The following PRLR variants were observed in gnomAD, a reference collection of about 807,000 sequenced individuals.
PRLR encodes the protein hPRL receptor.
PRLR carries 13 observed loss-of-function variants against 40.2 expected under a neutral mutation model. The ratio of observed to expected loss-of-function variants is 0.32; its 90% CI spans 0.21 to 0.51. The LOEUF (loss-of-function observed/expected upper bound fraction) is 0.51, where lower values mean the gene tolerates loss of function less well. Ranked by LOEUF, PRLR falls within the 20% of genes least tolerant of loss-of-function variation. The pLI is 0.97. For missense variants in PRLR, 656 were observed against 747.3 expected (o/e 0.88, Z 1.42); for synonymous variants, 269 against 278.7 (o/e 0.97, Z 0.35).
intron 2 of PRLR, among the ~76,000 whole-genome samples, chr5:35,099,093 A>T (rs1304816865): frequency 1.3e-5 from 2 of 152,248 alleles, no homozygotes; most frequent in Non-Finnish European, 2.9e-5. Context: ...TAGTAAAAAC[A>T]TCAGATGTCC....
At chr5:35,067,379 C>T (rs114771776) in intron 9 of PRLR, among the ~76,000 whole-genome samples, 5,443 of 152,202 alleles carry the variant, frequency 0.036, 128 homozygotes, top group Middle Eastern at 0.11. Flanking sequence ...CTGGTTCTAT[C>T]AGGCCAATGC....
At chr5:35,049,984 C>T (rs1013336329) in intron 8 of PRLR, among the ~76,000 whole-genome samples, 12 of 150,562 alleles carry the variant, frequency 8.0e-5, no homozygotes, top group South Asian at 2.1e-4. Flanking sequence ...CTTGGCTCAC[C>T]GCAACCTCCG....
At chr5:35,205,847 G>A (rs1776003237) in intron 1 of PRLR, among the ~76,000 whole-genome samples, 4 of 152,156 alleles carry the variant, frequency 2.6e-5, no homozygotes, top group Admixed American at 1.3e-4. Context: ...CCAGCTGTAG[G>A]CCAGGACATT....
chr5:35,186,422 G>A (rs1285432567), intron 1 of PRLR, among the ~76,000 whole-genome samples: 1 of 152,156 alleles, frequency 6.6e-6, no homozygotes, highest in Non-Finnish European at 1.5e-5. Flanking sequence ...CTGTCACACT[G>A]GCTAGTGCTG....
chr5:35,112,953 T>C (rs529044433), intron 2 of PRLR, among the ~76,000 whole-genome samples: 6 of 152,274 alleles, frequency 3.9e-5, no homozygotes, highest in Admixed American at 3.9e-4. Context: ...GGGCAATTCA[T>C]ACTCCCAGAG....
chr5:35,153,777 CCCAT>C (rs1037827549), intron 1 of PRLR, among the ~76,000 whole-genome samples: 1 of 145,666 alleles, frequency 6.9e-6, no homozygotes, highest in African/African-American at 2.5e-5. Flanking sequence ...ACACACACAC[CCCAT>C]TGTTATTTCT....
intron 2 of PRLR, among the ~76,000 whole-genome samples, chr5:35,105,336 C>T (rs1399384023): frequency 6.6e-6 from 1 of 152,214 alleles, no homozygotes; most frequent in African/African-American, 2.4e-5. Context: ...AGGAATGCAG[C>T]TCCTCGCCAG....
intron 1 of PRLR, among the ~76,000 whole-genome samples, chr5:35,164,737 G>GA (rs1421549810): frequency 6.6e-6 from 1 of 151,786 alleles, no homozygotes; most frequent in Admixed American, 6.6e-5. Flanking sequence ...AGAGACAATG[G>GA]AAAAAAAATA....
rs35934860 is a variant in PRLR at position 35,153,717 on chromosome 5, TAC to T, written c.-105-35597_-105-35596del. On this transcript the variant is annotated intron_variant, in intron 1 of 9. Transcript: ENST00000618457. ...CTCTGCCAACTGTTCCCCACCATTG[TAC>T]ACACACACACACACACACACTGCAC... 2.8e-3 allele frequency among the ~76,000 whole-genome samples: 407 copies of T among 143,188 alleles called. 1 individual carries two copies. The highest frequency in any genetic ancestry group is 0.017 in the East Asian group (88 of 5,034). The allele number at this position is 143,188 out of a possible 152,430, so 93.9% of individuals were successfully genotyped here. A position where few individuals can be genotyped will look rare whatever the true frequency, so the allele number is the denominator to read the frequency against.
intron 1 of PRLR, among the ~76,000 whole-genome samples, chr5:35,209,703 G>C (rs972968081): frequency 6.6e-6 from 1 of 152,184 alleles, no homozygotes; most frequent in African/African-American, 2.4e-5. Context: ...CAAGCTGTGT[G>C]GCACAATATT....
At chr5:35,114,354 C>G (rs1772881864) in intron 2 of PRLR, among the ~76,000 whole-genome samples, 1 of 152,206 alleles carries the variant, frequency 6.6e-6, no homozygotes. Context: ...TTTCCTCAGT[C>G]AACTGTTGTG....
chr5:35,226,500 C>T (rs1200054569), intron 1 of PRLR, among the ~76,000 whole-genome samples: 1 of 152,224 alleles, frequency 6.6e-6, no homozygotes, highest in Non-Finnish European at 1.5e-5. Flanking sequence ...AATAATAATT[C>T]CCCCTATATA....
intron 2 of PRLR, among the ~76,000 whole-genome samples, chr5:35,093,488 G>C (rs746052507): frequency 1.2e-4 from 18 of 152,122 alleles, no homozygotes; most frequent in Non-Finnish European, 2.6e-4. Flanking sequence ...TCCCCAACCT[G>C]TCCTGCTGTA....
intron 1 of PRLR, among the ~76,000 whole-genome samples, chr5:35,119,062 T>C (rs559935528): frequency 6.6e-6 from 1 of 152,316 alleles, no homozygotes; most frequent in South Asian, 2.1e-4. Flanking sequence ...CCCAAAGTGC[T>C]GGGATTATAG....
intron 1 of PRLR, among the ~76,000 whole-genome samples, chr5:35,222,377 T>C (rs1776447107): frequency 6.6e-6 from 1 of 151,986 alleles, no homozygotes; most frequent in Non-Finnish European, 1.5e-5. Context: ...AAAAAGCTGA[T>C]ATCCTTTCAG....
intron 2 of PRLR, 47 bp downstream of exon 2, chr5:35,118,014 G>A: frequency 2.2e-6 from 2 of 922,202 alleles, no homozygotes; most frequent in South Asian, 5.0e-5. Flanking sequence ...GGACAGTGGG[G>A]CAGATGGGTG....
chr5:35,145,034 C>T (rs1366050791), intron 1 of PRLR, among the ~76,000 whole-genome samples: 2 of 152,178 alleles, frequency 1.3e-5, no homozygotes, highest in Non-Finnish European at 2.9e-5. Context: ...GAGAATGGTG[C>T]TCATCTCCTT....
At chr5:35,082,309 A>C (rs200317007) in intron 5 of PRLR, among the ~76,000 whole-genome samples, 1 of 152,268 alleles carries the variant, frequency 6.6e-6, no homozygotes, top group East Asian at 1.9e-4. Context: ...ATATGTTTTA[A>C]GTTAAATACA....
At chr5:35,071,269 C>G (rs1769729894) in intron 6 of PRLR, among the ~76,000 whole-genome samples, 1 of 152,098 alleles carries the variant, frequency 6.6e-6, no homozygotes, top group Admixed American at 6.5e-5. Flanking sequence ...GTGGGATACT[C>G]TATGGGACAA....
Sources: gnomAD v4.1 joint callset for allele counts (sites outside exome capture counted in the v4.1 genomes callset) on GRCh38, gnomAD v4.1.1 for gene constraint, MANE v1.5 for transcripts, NCBI Gene and HGNC (gene_info 2026-07-23, HGNC 2026-07-21) for gene names.